Variants in AKAP9 observed in about 807,000 individuals in gnomAD.
AKAP9 encodes the protein A-kinase anchoring protein 9, also known as A-kinase anchor protein 9.
AKAP9 carries 311 observed loss-of-function variants against 488.5 expected under a neutral mutation model. The observed-to-expected ratio is 0.64, with a 90% CI of 0.58 to 0.70. AKAP9 has a LOEUF of 0.70. Among genes scored for constraint, AKAP9 ranks in the 30% least tolerant of loss-of-function variants. The pLI is 0.00. For synonymous variants in AKAP9, 1,462 were observed against 1,483.5 expected (o/e 0.99, Z 0.33); for missense variants, 4,215 against 4,374.5 (o/e 0.96, Z 1.03).
Position 92,082,575 on chromosome 7 carries a change from C to T in AKAP9, c.8073C>T (p.Leu2691=), listed in dbSNP as rs1813773828. 7 of 1,613,542 alleles carry T rather than the reference C, an allele frequency of 4.3e-6. No individual in the cohort carries two copies. Among genetic ancestry groups the T allele is most frequent in the Non-Finnish European group, 3.4e-6 (4 of 1,179,820 alleles). The change falls in exon 32 of 50, where the codon CTC becomes CTT. Residue 2691 remains leucine, a synonymous_variant. Transcript: ENST00000356239. ...AAGAAAGTGGATTTTTTAATGAACTCGAGGCTCTTAGAGCTGAATCAGTGG... is the reference window on the plus strand; with the variant it reads ...AAGAAAGTGGATTTTTTAATGAACTTGAGGCTCTTAGAGCTGAATCAGTGG... ...SNEESGFFNE[L]EALRAESVAT...
At chr7:92,087,343 G>C (rs1425638247) in intron 37 of AKAP9, among the ~76,000 whole-genome samples, 2 of 152,154 alleles carry the variant, frequency 1.3e-5, no homozygotes, top group Non-Finnish European at 2.9e-5. Flanking sequence ...TAAGCAAAAT[G>C]ATAAAGCACA....
rs781136562 is a variant in AKAP9 at position 92,077,876 on chromosome 7, G to T, written c.6945+1G>T. 1 of 1,606,604 alleles carries T rather than the reference G, an allele frequency of 6.2e-7. No individual in the cohort carries two copies. The highest frequency in any genetic ancestry group is 1.7e-5 in the Admixed American group (1 of 59,868). ...ACTTAAAATTACAACAGATAACAAG[G>T]TATACTCATTTAAAATTGATTATGA... On this transcript the variant is annotated splice_donor_variant, in intron 30 of 49. Transcript: ENST00000356239. LOFTEE classifies it high-confidence loss of function.
intron 33 of AKAP9, among the ~76,000 whole-genome samples, chr7:92,084,431 A>T (rs1281869466): frequency 6.6e-6 from 1 of 152,080 alleles, no homozygotes; most frequent in African/African-American, 2.4e-5. Context: ...GGAACATGTT[A>T]TCTTTCCTTA....
In AKAP9 at chr7:92,080,084, G is replaced by T; in HGVS notation, c.7951G>T (p.Glu2651Ter). 6.3e-7 allele frequency: 1 copy of T among 1,584,920 alleles called. No individual in the cohort carries two copies. Among genetic ancestry groups the T allele is most frequent in the Non-Finnish European group, 8.5e-7 (1 of 1,173,906 alleles). Residue 2651 changes from glutamate to a stop codon, truncating the protein, a stop_gained, in exon 31 of 50, where the codon GAG becomes TAG. Transcript: ENST00000356239. LOFTEE classifies it high-confidence loss of function. ...GCTGCTAGAACTACAGAAGCTATTG[G>T]AGGGCAATGAGAAAAAACAGAGAGA... Reference protein sequence around the residue: ...KKLLELQKLLEGNEKKQREKE... With the variant: ...KKLLELQKLL
At position 92,001,132 on chromosome 7, in the gene AKAP9, G is replaced by C. The variant is rs745393946; in HGVS notation, c.1215G>C (p.Gln405His). 10 of 1,614,016 alleles carry C rather than the reference G, an allele frequency of 6.2e-6. No individual in the cohort carries two copies. The highest frequency in any genetic ancestry group is 1.1e-5 in the South Asian group (1 of 91,078). The part of the protein sequence containing the change: ...KQLMGTVEEL[Q>H]KRNHKDSQFE... ...TAATGGGGACAGTCGAAGAACTTCAGAAGAGAAATCATAAAGACAGCCAGT... is the reference window on the plus strand; with the variant it reads ...TAATGGGGACAGTCGAAGAACTTCACAAGAGAAATCATAAAGACAGCCAGT... Residue 405 changes from glutamine (Q) to histidine (H), a missense_variant, in exon 8 of 50, where the codon CAG (glutamine) becomes CAC (histidine). This residue lies in a region of AKAP9 where 2,361 missense variants were observed against 2,430.0 expected (regional missense o/e 0.97). Transcript: ENST00000356239.
rs750921440 is a variant in AKAP9 at position 91,993,026 on chromosome 7, G to A, written c.547G>A (p.Val183Ile). 5.2e-5 allele frequency: 84 copies of A among 1,613,902 alleles called. No individual in the cohort carries two copies. The highest frequency in any genetic ancestry group is 5.8e-5 in the Non-Finnish European group (68 of 1,179,956). Residue 183 changes from valine (V) to isoleucine (I), a missense_variant, in exon 5 of 50, where the codon GTT becomes ATT. Physicochemically the swap from Val to Ile is conservative, Grantham distance 29. Transcript: ENST00000356239. ...ELNRELEEMR[V>I]TYGTEGLQQL... Reference sequence around the variant, plus strand: ...AAACAGAGAGCTGGAAGAAATGAGGGTTACCTATGGGACTGAAGGACTGCA... The same window carrying A: ...AAACAGAGAGCTGGAAGAAATGAGGATTACCTATGGGACTGAAGGACTGCA...
intron 12 of AKAP9, among the ~76,000 whole-genome samples, chr7:92,018,114 C>T (rs767320261): frequency 1.6e-4 from 24 of 152,148 alleles, no homozygotes; most frequent in African/African-American, 2.4e-4. Flanking sequence ...CCAAAAGGAG[C>T]GGCGGCTGCC....
At chr7:92,012,406 T>G in intron 8 of AKAP9, 23 bp from the exon 9 acceptor site, 1 of 1,572,582 alleles carries the variant, frequency 6.4e-7, no homozygotes, top group Non-Finnish European at 8.7e-7. Context: ...AATATTATAA[T>G]GTTTACATAT....
chr7:92,080,472 C>A (rs1407219204), intron 31 of AKAP9, among the ~76,000 whole-genome samples: 1 of 151,980 alleles, frequency 6.6e-6, no homozygotes, highest in Non-Finnish European at 1.5e-5. Context: ...GTGGTGGGTG[C>A]CTGTAGTCCC....
chr7:92,025,049 C>T (rs1317324281), intron 14 of AKAP9, among the ~76,000 whole-genome samples: 3 of 151,990 alleles, frequency 2.0e-5, no homozygotes, highest in Non-Finnish European at 4.4e-5. Flanking sequence ...GAGTCATACT[C>T]AATAGCTTTG....
At chr7:92,103,331 G>A (rs1449910930) in intron 46 of AKAP9, among the ~76,000 whole-genome samples, 4 of 147,820 alleles carry the variant, frequency 2.7e-5, no homozygotes, top group Non-Finnish European at 4.5e-5. Flanking sequence ...CGGAGGTTGC[G>A]GTGAGCCGAG....
intron 12 of AKAP9, among the ~76,000 whole-genome samples, chr7:92,019,218 T>C (rs2130722574): frequency 6.6e-6 from 1 of 152,126 alleles, no homozygotes; most frequent in South Asian, 2.1e-4. Context: ...CTCGGCTCAC[T>C]GCAACCTCTG....
intron 28 of AKAP9, among the ~76,000 whole-genome samples, chr7:92,072,795 T>G (rs1232748061): frequency 6.6e-6 from 1 of 152,118 alleles, no homozygotes; most frequent in East Asian, 1.9e-4. Flanking sequence ...ATAATAATAG[T>G]TTTGTTGAGG....
rs1405640393 is a variant in AKAP9 at position 92,003,205 on chromosome 7, G to A, written c.3288G>A (p.Gln1096=). The part of the protein sequence containing the change: ...ATQPSENDKL[Q]KELNVLKSEQ... ...AACCAAGTGAAAATGATAAACTTCAGAAAGAACTCAATGTACTTAAATCAG... is the reference window on the plus strand; with the variant it reads ...AACCAAGTGAAAATGATAAACTTCAAAAAGAACTCAATGTACTTAAATCAG... Residue 1096 remains glutamine, a synonymous_variant, in exon 8 of 50, where the codon CAG becomes CAA. Transcript: ENST00000356239. The A allele has an allele frequency of 1.2e-6, 2 of 1,607,958 alleles. No homozygotes were observed. The highest frequency in any genetic ancestry group is 1.7e-4 in the Middle Eastern group (1 of 6,034).
chr7:92,099,659 G>A, intron 43 of AKAP9, 28 bp from the exon 44 acceptor site: 1 of 1,612,000 alleles, frequency 6.2e-7, no homozygotes, highest in South Asian at 1.1e-5. Flanking sequence ...TTGTGCTTAA[G>A]TGACCTTACA....
chr7:92,045,277 G>A (rs1013655670), intron 21 of AKAP9, 64 bp downstream of exon 21: 1 of 1,489,482 alleles, frequency 6.7e-7, no homozygotes. Flanking sequence ...AAGGCATTTT[G>A]CCATGTGTTG....
At chr7:92,082,456 A>C in intron 31 of AKAP9, 66 bp from the exon 32 acceptor site, 2 of 1,543,704 alleles carry the variant, frequency 1.3e-6, no homozygotes, top group Non-Finnish European at 1.8e-6. Context: ...TAGAATGTAT[A>C]AGAGCCTTGA....
chr7:91,976,763 T>C (rs1220723206), intron 2 of AKAP9, among the ~76,000 whole-genome samples: 1 of 152,148 alleles, frequency 6.6e-6, no homozygotes, highest in Admixed American at 6.5e-5. Context: ...CCTACTTAGA[T>C]CTACTACTGA....
chr7:92,104,244 G>A (rs1818146919), intron 46 of AKAP9, among the ~76,000 whole-genome samples: 2 of 148,504 alleles, frequency 1.3e-5, no homozygotes, highest in African/African-American at 5.0e-5. Flanking sequence ...AGGCTGGAGT[G>A]CAGTGGTGCT....
Sources: allele counts gnomAD v4.1 joint callset (sites outside exome capture counted in the v4.1 genomes callset), GRCh38; gene constraint gnomAD v4.1.1; regional missense constraint gnomAD v4.1.1; transcripts MANE v1.5; gene names NCBI Gene and HGNC (gene_info 2026-07-23, HGNC 2026-07-21).